The following CCSER1 variants were observed in gnomAD, a reference collection of about 807,000 sequenced individuals.
CCSER1 encodes serine-rich coiled-coil domain-containing protein 1.
Under a neutral mutation model 82.0 loss-of-function variants are expected in CCSER1, and 41 were observed. That is an observed-to-expected ratio of 0.50 (90% CI 0.39 to 0.65). The LOEUF (loss-of-function observed/expected upper bound fraction) is 0.65. Among genes scored for constraint, CCSER1 ranks in the 30% least tolerant of loss-of-function variants. The pLI is 0.00. For synonymous variants in CCSER1, 414 were observed against 383.9 expected, an observed-to-expected ratio of 1.08 and a Z score of -0.92; for missense variants, 1,119 against 1,064.2, an observed-to-expected ratio of 1.05 and a Z score of -0.72.
chr4:91,272,837 T>G (rs1465827528), intron 10 of CCSER1, among the ~76,000 whole-genome samples: 1 of 152,198 alleles, frequency 6.6e-6, no homozygotes, highest in Non-Finnish European at 1.5e-5. Context: ...CCCAACACCA[T>G]TTTTTGAATA....
At chr4:91,527,861 A>T (rs973593167) in intron 10 of CCSER1, among the ~76,000 whole-genome samples, 1 of 152,186 alleles carries the variant, frequency 6.6e-6, no homozygotes, top group African/African-American at 2.4e-5. Flanking sequence ...ATCTAGAAGG[A>T]TCCTTGCTTC....
chr4:90,581,295 G>A (rs1282181209), intron 5 of CCSER1, among the ~76,000 whole-genome samples: 1 of 152,024 alleles, frequency 6.6e-6, no homozygotes, highest in Non-Finnish European at 1.5e-5. Flanking sequence ...ATTTAGCTAT[G>A]AGCACATGTA....
chr4:91,384,734 A>G (rs1041263872), intron 10 of CCSER1, among the ~76,000 whole-genome samples: 1 of 152,238 alleles, frequency 6.6e-6, no homozygotes, highest in East Asian at 1.9e-4. Flanking sequence ...CAGACACAAA[A>G]ACTTTTCATG....
At chr4:90,845,917 T>G (rs1164880987) in intron 8 of CCSER1, among the ~76,000 whole-genome samples, 2 of 152,146 alleles carry the variant, frequency 1.3e-5, no homozygotes, top group African/African-American at 4.8e-5. Flanking sequence ...TCCAAGCCAC[T>G]ATACAAATGC....
In CCSER1 at chr4:90,932,643, C is replaced by T. The variant is rs761363990; in HGVS notation, c.2172+9196C>T. ...AGGAGTTCGAGACCAGCCTGGCTAA[C>T]ATGGTGAAATCCCTTCTCTACTAAA... is the stretch of plus-strand genomic sequence containing the variant. On this transcript the variant is annotated intron_variant, in intron 9 of 10. Transcript: ENST00000509176. Among the ~76,000 whole-genome samples the T allele has an allele frequency of 4.5e-4, 68 of 151,578 alleles. 1 individual carries two copies. Among genetic ancestry groups the T allele is most frequent in the Non-Finnish European group, 1.9e-4 (13 of 67,940 alleles).
chr4:90,888,076 C>A (rs1394545039), intron 8 of CCSER1, among the ~76,000 whole-genome samples: 1 of 152,070 alleles, frequency 6.6e-6, no homozygotes, highest in African/African-American at 2.4e-5. Flanking sequence ...AATATAGTTA[C>A]AGACTTTGGA....
At chr4:91,194,810 T>C (rs1277561487) in intron 10 of CCSER1, among the ~76,000 whole-genome samples, 1 of 152,240 alleles carries the variant, frequency 6.6e-6, no homozygotes, top group African/African-American at 2.4e-5. Context: ...TAAGGTCAAA[T>C]GTGCAATCCA....
Position 91,071,259 on chromosome 4 carries a change from A to T in CCSER1, c.2173-14691A>T, listed in dbSNP as rs1391924455. Among the ~76,000 whole-genome samples, 5 of 152,364 alleles carry T rather than the reference A, an allele frequency of 3.3e-5. No individual in the cohort carries two copies. In the East Asian group the frequency reaches 9.6e-4, roughly 29 times the overall value. On this transcript the variant is annotated intron_variant, in intron 9 of 10. Coordinates refer to ENST00000509176, the MANE Select transcript of CCSER1 (RefSeq NM_001145065.2). ...GGTACTTTTATTCTAACATGGAAAG[A>T]TGATAACACACAATAATAATAAATT...
chr4:90,315,040 T>C (rs1353950273), intron 3 of CCSER1, among the ~76,000 whole-genome samples: 1 of 151,448 alleles, frequency 6.6e-6, no homozygotes, highest in Non-Finnish European at 1.5e-5. Flanking sequence ...AGAGAGGGGG[T>C]TTCACCATGT....
intron 9 of CCSER1, among the ~76,000 whole-genome samples, chr4:91,052,369 ATTGT>A (rs1197255856): frequency 1.3e-4 from 20 of 152,108 alleles, no homozygotes; most frequent in African/African-American, 4.8e-4. Flanking sequence ...GTTCATGATC[ATTGT>A]TTGATAACCT....
At chr4:90,963,250 G>A (rs1384338179) in intron 9 of CCSER1, among the ~76,000 whole-genome samples, 1 of 152,088 alleles carries the variant, frequency 6.6e-6, no homozygotes, top group Admixed American at 6.6e-5. Context: ...CTATTGAATA[G>A]CATCTTGAAT....
At chr4:91,512,218 C>G (rs1759866456) in intron 10 of CCSER1, among the ~76,000 whole-genome samples, 1 of 152,158 alleles carries the variant, frequency 6.6e-6, no homozygotes, top group Admixed American at 6.6e-5. Flanking sequence ...AATCAGCGCA[C>G]TGGGAGACAC....
In CCSER1 at chr4:90,836,622, G is replaced by C. The variant is rs898474036; in HGVS notation, c.2094+20777G>C. 2.0e-5 allele frequency among the ~76,000 whole-genome samples: 3 copies of C among 152,200 alleles called. No individual in the cohort carries two copies. The East Asian group carries it at 5.8e-4, about 29-fold the overall frequency. On this transcript the variant is annotated intron_variant, in intron 8 of 10. Coordinates refer to ENST00000509176, the MANE Select transcript of CCSER1 (RefSeq NM_001145065.2). ...CCAAGACTTGATTTTCTTCTAGGAAGTTGTGGTATGAAGCAGCAGCCACAG... is the reference window on the plus strand; with the variant it reads ...CCAAGACTTGATTTTCTTCTAGGAACTTGTGGTATGAAGCAGCAGCCACAG...
At chr4:90,960,434 C>G (rs1425594226) in intron 9 of CCSER1, among the ~76,000 whole-genome samples, 1 of 152,146 alleles carries the variant, frequency 6.6e-6, no homozygotes, top group African/African-American at 2.4e-5. Flanking sequence ...CTCATTGCTC[C>G]TATTTATTCT....
chr4:91,578,782 A>G (rs1003696138), intron 10 of CCSER1, among the ~76,000 whole-genome samples: 1 of 151,886 alleles, frequency 6.6e-6, no homozygotes, highest in Non-Finnish European at 1.5e-5. Flanking sequence ...TATTAACAAT[A>G]TTGATTATTC....
chr4:90,614,999 A>G (rs1720917459), intron 5 of CCSER1, among the ~76,000 whole-genome samples: 1 of 152,158 alleles, frequency 6.6e-6, no homozygotes, highest in East Asian at 1.9e-4. Flanking sequence ...GTTGAAGCCA[A>G]GTTTTATTTC....
chr4:90,913,995 A>G (rs907947383), intron 8 of CCSER1, among the ~76,000 whole-genome samples: 3 of 152,216 alleles, frequency 2.0e-5, no homozygotes, highest in Non-Finnish European at 4.4e-5. Context: ...TTCATAAAGC[A>G]AGTCCTTGGA....
At chr4:90,170,553 T>C (rs771872101) in intron 1 of CCSER1, among the ~76,000 whole-genome samples, 8 of 151,822 alleles carry the variant, frequency 5.3e-5, no homozygotes, top group Non-Finnish European at 1.0e-4. Flanking sequence ...CTGGTAACCA[T>C]TCTGCTACTC....
chr4:90,229,439 G>C (rs13139400), intron 1 of CCSER1, among the ~76,000 whole-genome samples: 8 of 151,956 alleles, frequency 5.3e-5, no homozygotes, highest in Non-Finnish European at 1.0e-4. Flanking sequence ...TTGTCACCAC[G>C]AGGCCTGCCC....
Sources: allele counts gnomAD v4.1 joint callset (sites outside exome capture counted in the v4.1 genomes callset), GRCh38; gene constraint gnomAD v4.1.1; transcripts MANE v1.5; gene names NCBI Gene and HGNC (gene_info 2026-07-23, HGNC 2026-07-21).